TLN2: variants seen among roughly 807,000 people sequenced by gnomAD.
TLN2 encodes the protein talin 2.
A neutral mutation model predicts 294.7 loss-of-function variants in TLN2; 118 were observed. The observed-to-expected ratio is 0.40, with a 90% CI of 0.34 to 0.47. TLN2 has a LOEUF of 0.47. Ranked by LOEUF, TLN2 falls within the 20% of genes least tolerant of loss-of-function variation. TLN2 has a pLI of 0.84. For synonymous variants in TLN2, 1,431 were observed against 1,304.5 expected, an observed-to-expected ratio of 1.10 and a Z score of -2.09; for missense variants, 3,083 against 3,282.2, an observed-to-expected ratio of 0.94 and a Z score of 1.48.
At chr15:62,401,849 T>C (rs1246450031) in intron 1 of TLN2, among the ~76,000 whole-genome samples, 1 of 152,192 alleles carries the variant, frequency 6.6e-6, no homozygotes, top group African/African-American at 2.4e-5. Context: ...CTCACATGGT[T>C]ATCTCTAGAC....
At chr15:62,517,113 C>T (rs1401981705) in intron 1 of TLN2, among the ~76,000 whole-genome samples, 1 of 152,190 alleles carries the variant, frequency 6.6e-6, no homozygotes, top group African/African-American at 2.4e-5. Context: ...TGTTCTGAAG[C>T]CAAGGATGGC....
intron 1 of TLN2, among the ~76,000 whole-genome samples, chr15:62,503,078 T>C (rs1038957080): frequency 6.6e-6 from 1 of 151,110 alleles, no homozygotes; most frequent in African/African-American, 2.4e-5. Flanking sequence ...ATAGTGCCTA[T>C]GTTTGTGTGG....
intron 3 of TLN2, among the ~76,000 whole-genome samples, chr15:62,624,952 G>T (rs1052776478): frequency 4.6e-5 from 7 of 152,212 alleles, no homozygotes; most frequent in Admixed American, 1.3e-4. Context: ...AAAGCTACTT[G>T]TACCAATAAT....
chr15:62,798,082 G>A (rs549983908), intron 48 of TLN2, among the ~76,000 whole-genome samples: 1 of 152,262 alleles, frequency 6.6e-6, no homozygotes, highest in African/African-American at 2.4e-5. Context: ...GGGAAGACTG[G>A]GAACTGGTTA....
intron 26 of TLN2, among the ~76,000 whole-genome samples, chr15:62,723,759 A>G (rs2060283419): frequency 6.6e-6 from 1 of 151,592 alleles, no homozygotes; most frequent in Non-Finnish European, 1.5e-5. Context: ...CATCTTGCCC[A>G]GGCTGGTCTT....
At chr15:62,688,185 C>T (rs1267775993) in intron 12 of TLN2, among the ~76,000 whole-genome samples, 1 of 152,078 alleles carries the variant, frequency 6.6e-6, no homozygotes, top group Non-Finnish European at 1.5e-5. Context: ...CATTAACTAC[C>T]TCAGGCAAAA....
At chr15:62,747,422 A>C (rs2061676779) in intron 32 of TLN2, among the ~76,000 whole-genome samples, 2 of 152,238 alleles carry the variant, frequency 1.3e-5, no homozygotes, top group Admixed American at 1.3e-4. Flanking sequence ...GGAACCAGTC[A>C]ATCATATAGA....
intron 1 of TLN2, among the ~76,000 whole-genome samples, chr15:62,569,923 A>G (rs2043725756): frequency 2.0e-5 from 3 of 152,220 alleles, no homozygotes; most frequent in Admixed American, 2.0e-4. Context: ...TTAAAGCTAC[A>G]GTTGATGAAG....
intron 1 of TLN2, among the ~76,000 whole-genome samples, chr15:62,522,735 C>T (rs1375744172): frequency 6.6e-6 from 1 of 151,676 alleles, no homozygotes; most frequent in African/African-American, 2.4e-5. Context: ...TTTTTTCTGC[C>T]CTGCAGCTGA....
chr15:62,697,299 A>C (rs1428450514), intron 14 of TLN2, among the ~76,000 whole-genome samples: 3 of 151,972 alleles, frequency 2.0e-5, no homozygotes. Flanking sequence ...TGTAGAGACG[A>C]GGTCTCATTA....
At chr15:62,751,742 C>T (rs2061952800) in intron 34 of TLN2, among the ~76,000 whole-genome samples, 3 of 152,222 alleles carry the variant, frequency 2.0e-5, no homozygotes, top group African/African-American at 7.2e-5. Flanking sequence ...TGCATGACCA[C>T]TCTGGGTTGG....
At chr15:62,821,097 G>A (rs1443411506) in intron 54 of TLN2, among the ~76,000 whole-genome samples, 1 of 152,186 alleles carries the variant, frequency 6.6e-6, no homozygotes, top group Non-Finnish European at 1.5e-5. Context: ...TTCTGTGTTT[G>A]TCATGTAGAT....
At chr15:62,496,983 C>T (rs1434387768) in intron 1 of TLN2, among the ~76,000 whole-genome samples, 2 of 152,156 alleles carry the variant, frequency 1.3e-5, no homozygotes, top group African/African-American at 4.8e-5. Context: ...TCCAGTCGTG[C>T]CTCCCTCCCC....
chr15:62,560,025 T>C (rs995922498), intron 1 of TLN2, among the ~76,000 whole-genome samples: 1 of 152,026 alleles, frequency 6.6e-6, no homozygotes, highest in Non-Finnish European at 1.5e-5. Context: ...ACCACACCAG[T>C]ATTAGATCCC....
chr15:62,821,294 G>C (rs907550770), intron 54 of TLN2, among the ~76,000 whole-genome samples: 2 of 152,220 alleles, frequency 1.3e-5, no homozygotes, highest in Non-Finnish European at 2.9e-5. Flanking sequence ...TTCCATAGCT[G>C]TCTTCAGCAG....
intron 54 of TLN2, among the ~76,000 whole-genome samples, chr15:62,825,858 A>ATG: frequency 1.1e-5 from 1 of 87,034 alleles, no homozygotes; most frequent in South Asian, 3.2e-4. Flanking sequence ...TATATTATAT[A>ATG]TATATATATT....
intron 1 of TLN2, among the ~76,000 whole-genome samples, chr15:62,486,725 A>G (rs886661754): frequency 6.6e-6 from 1 of 151,566 alleles, no homozygotes; most frequent in African/African-American, 2.4e-5. Flanking sequence ...GCATAACATA[A>G]TCTATCTGTT....
intron 1 of TLN2, among the ~76,000 whole-genome samples, chr15:62,572,062 G>C (rs1216834861): frequency 6.6e-6 from 1 of 152,100 alleles, no homozygotes; most frequent in East Asian, 1.9e-4. Flanking sequence ...CAGGAACATC[G>C]TAGATACCTG....
At chr15:62,753,956 C>A in intron 36 of TLN2, 40 bp downstream of exon 36, 1 of 1,510,172 alleles carries the variant, frequency 6.6e-7, no homozygotes. Context: ...AGCCCTTAAG[C>A]AGCTCCTCTA....
Sources: gnomAD v4.1 joint callset for allele counts (sites outside exome capture counted in the v4.1 genomes callset) on GRCh38, gnomAD v4.1.1 for gene constraint, MANE v1.5 for transcripts, NCBI Gene and HGNC (gene_info 2026-07-23, HGNC 2026-07-21) for gene names.